PRKCI: variants seen among roughly 807,000 people sequenced by gnomAD.
PRKCI encodes the protein protein kinase C iota type.
A neutral mutation model predicts 84.0 loss-of-function variants in PRKCI; 43 were observed. The ratio of observed to expected loss-of-function variants is 0.51; its 90% CI spans 0.40 to 0.66. The LOEUF (loss-of-function observed/expected upper bound fraction) is 0.66, where lower values mean the gene tolerates loss of function less well. PRKCI is among the 30% of genes least tolerant of loss of function. The pLI is 0.00. For synonymous variants in PRKCI, 216 were observed against 234.4 expected, an observed-to-expected ratio of 0.92 and a Z score of 0.72; for missense variants, 459 against 745.6, an observed-to-expected ratio of 0.62 and a Z score of 4.48.
At chr3:170,299,143 A>G (rs766250116) in intron 17 of PRKCI, 33 bp downstream of exon 17, 3 of 1,354,496 alleles carry the variant, frequency 2.2e-6, no homozygotes, top group Non-Finnish European at 3.0e-6. Context: ...ATTTTTTTTT[A>G]AGTTCTTTGG....
intron 2 of PRKCI, among the ~76,000 whole-genome samples, chr3:170,237,069 A>C (rs6784397): frequency 0.82 from 124,734 of 152,048 alleles, 51,253 homozygotes; most frequent in South Asian, 0.89. Context: ...AATGTTTGAC[A>C]TAAACCTGTA....
At chr3:170,224,355 C>T (rs1028526809) in intron 1 of PRKCI, among the ~76,000 whole-genome samples, 7 of 151,508 alleles carry the variant, frequency 4.6e-5, no homozygotes, top group African/African-American at 1.7e-4. Context: ...TACCAAGAAA[C>T]GTGTGGATAT....
intron 2 of PRKCI, among the ~76,000 whole-genome samples, chr3:170,248,027 G>A (rs1733334095): frequency 6.6e-6 from 1 of 152,192 alleles, no homozygotes; most frequent in Non-Finnish European, 1.5e-5. Context: ...CAGGATGGCA[G>A]TACGAAGGTC....
At chr3:170,258,544 C>T (rs1238552304) in intron 2 of PRKCI, among the ~76,000 whole-genome samples, 10 of 151,980 alleles carry the variant, frequency 6.6e-5, no homozygotes, top group Admixed American at 1.3e-4. Flanking sequence ...GACCTCAACC[C>T]GCCTGCCTCG....
At chr3:170,229,424 C>G (rs917080884) in intron 1 of PRKCI, among the ~76,000 whole-genome samples, 7 of 152,166 alleles carry the variant, frequency 4.6e-5, no homozygotes, top group African/African-American at 1.7e-4. Flanking sequence ...AAGCAGTCCT[C>G]CCACCTCAGC....
chr3:170,254,054 G>C (rs1473490516), intron 2 of PRKCI, among the ~76,000 whole-genome samples: 2 of 150,396 alleles, frequency 1.3e-5, no homozygotes, highest in Non-Finnish European at 2.9e-5. Context: ...CCAAGATTAC[G>C]CCACTGCACT....
intron 12 of PRKCI, 119 bp from the exon 13 acceptor site, chr3:170,291,735 T>C (rs1734557881): frequency 8.3e-6 from 6 of 721,772 alleles, no homozygotes; most frequent in Non-Finnish European, 1.5e-5. Flanking sequence ...TCTAGTGATG[T>C]TAAGTGAGCT....
At chr3:170,284,745 TTTTTTC>T in intron 12 of PRKCI, 149 bp downstream of exon 12, 1 of 1,028,826 alleles carries the variant, frequency 9.7e-7, no homozygotes, top group Admixed American at 3.3e-5. Flanking sequence ...CAAATGTACT[TTTTTTC>T]TAACCATTTG....
intron 2 of PRKCI, among the ~76,000 whole-genome samples, chr3:170,252,077 G>C (rs1349407943): frequency 2.0e-5 from 3 of 152,198 alleles, no homozygotes; most frequent in South Asian, 4.1e-4. Context: ...AGCCAGGCGT[G>C]GCGGCGTGTG....
Position 170,295,954 on chromosome 3 carries a change from A to G in PRKCI, c.1461A>G (p.Val487=). Residue 487 remains valine, a synonymous_variant, in exon 15 of 18, where the codon GTA becomes GTG. Transcript: ENST00000295797. ...KQIRIPRSLS[V]KAASVLKSFL... ...TTCGCATACCACGTTCTCTGTCTGT[A>G]AAAGCTGCAAGTGTTCTGAAGAGTT... 1.3e-6 allele frequency: 2 copies of G among 1,572,700 alleles called. No individual in the cohort carries two copies. The highest frequency in any genetic ancestry group is 4.5e-5 in the East Asian group (2 of 44,238).
intron 7 of PRKCI, among the ~76,000 whole-genome samples, chr3:170,273,949 CAG>C (rs1293589528): frequency 6.6e-6 from 1 of 150,770 alleles, no homozygotes; most frequent in African/African-American, 2.4e-5. Context: ...CTGGCCAACA[CAG>C]GGAGACTCTG....
intron 15 of PRKCI, 111 bp from the exon 16 acceptor site, chr3:170,297,193 C>G (rs1018218511): frequency 2.4e-6 from 2 of 830,074 alleles, no homozygotes; most frequent in African/African-American, 1.7e-5. Flanking sequence ...GTAGACCATT[C>G]CAACTTCAGA....
intron 1 of PRKCI, among the ~76,000 whole-genome samples, chr3:170,233,604 A>G (rs994768246): frequency 6.6e-6 from 1 of 152,228 alleles, no homozygotes; most frequent in African/African-American, 2.4e-5. Flanking sequence ...TGGTTTCGCA[A>G]TTACTGAGAG....
At chr3:170,300,066 TTC>T (rs1734785626) in intron 17 of PRKCI, among the ~76,000 whole-genome samples, 1 of 152,206 alleles carries the variant, frequency 6.6e-6, no homozygotes, top group Non-Finnish European at 1.5e-5. Context: ...TACAGATTCA[TTC>T]TCTCTAATCT....
chr3:170,230,880 A>G (rs1430878587), intron 1 of PRKCI, among the ~76,000 whole-genome samples: 2 of 150,124 alleles, frequency 1.3e-5, no homozygotes, highest in African/African-American at 4.9e-5. Context: ...ACATACCACT[A>G]TTGGTTTAAT....
intron 2 of PRKCI, among the ~76,000 whole-genome samples, chr3:170,237,021 G>T (rs1732996996): frequency 6.6e-6 from 1 of 152,212 alleles, no homozygotes; most frequent in African/African-American, 2.4e-5. Flanking sequence ...TAGGGGCCTT[G>T]AGGAATACAA....
At chr3:170,252,075 G>A (rs766281832) in intron 2 of PRKCI, among the ~76,000 whole-genome samples, 2 of 151,970 alleles carry the variant, frequency 1.3e-5, no homozygotes, top group Admixed American at 1.3e-4. Context: ...TTAGCCAGGC[G>A]TGGCGGCGTG....
At chr3:170,259,058 C>T (rs569448112) in intron 2 of PRKCI, among the ~76,000 whole-genome samples, 6 of 152,024 alleles carry the variant, frequency 3.9e-5, no homozygotes, top group South Asian at 2.1e-4. Context: ...GCAGGAGAAT[C>T]GCTTGAACCC....
intron 1 of PRKCI, among the ~76,000 whole-genome samples, chr3:170,224,771 G>C (rs1258022271): frequency 6.6e-6 from 1 of 152,134 alleles, no homozygotes; most frequent in African/African-American, 2.4e-5. Flanking sequence ...TGATGCGCTC[G>C]TCTTGGCTTC....
Sources: gnomAD v4.1 joint callset for allele counts (sites outside exome capture counted in the v4.1 genomes callset) on GRCh38, gnomAD v4.1.1 for gene constraint, MANE v1.5 for transcripts, NCBI Gene and HGNC (gene_info 2026-07-23, HGNC 2026-07-21) for gene names.